The following ZNF888 variants were observed in gnomAD, a reference collection of about 807,000 sequenced individuals.
The protein encoded by ZNF888 is CTD-2331H12.6.
ZNF888 carries 5 observed loss-of-function variants against 7.2 expected under a neutral mutation model. That is an observed-to-expected ratio of 0.70 (90% CI 0.36 to 1.46). The LOEUF (loss-of-function observed/expected upper bound fraction) is 1.46, where lower values mean the gene tolerates loss of function less well. Among genes scored for constraint, ZNF888 ranks in the 40% most tolerant of loss-of-function variants. ZNF888 has a pLI of 0.03. For missense variants in ZNF888, 716 were observed against 858.0 expected (o/e 0.83, Z 2.07); for synonymous variants, 240 against 284.3 (o/e 0.84, Z 1.57).
At position 52,908,772 on chromosome 19, in the gene ZNF888, A is replaced by G. The variant is rs1245711456; in HGVS notation, c.143-593T>C. Among the ~76,000 whole-genome samples, 163 of 151,024 alleles carry G rather than the reference A, an allele frequency of 1.1e-3. 1 individual carries two copies. The highest frequency in any genetic ancestry group is 6.3e-4 in the South Asian group (3 of 4,764). ...GAGGCACAAGAATCACTTTAAGCCA[A>G]GAGGCAAAGGTTGCAGTGAGCCAAC... On this transcript the variant is annotated intron_variant, in intron 4 of 4. Coordinates refer to ENST00000638862, the MANE Select transcript of ZNF888 (RefSeq NM_001393938.1).
intron 1 of ZNF888, among the ~76,000 whole-genome samples, chr19:52,919,949 G>GCGT (rs2147939526): frequency 1.9e-5 from 1 of 53,288 alleles, no homozygotes; most frequent in Admixed American, 2.2e-4. Context: ...GAAGTGAGGA[G>GCGT]CCCCTCTGCC....
chr19:52,917,831 G>A, intron 3 of ZNF888, 28 bp downstream of exon 3: 1 of 1,613,492 alleles, frequency 6.2e-7, no homozygotes, highest in Non-Finnish European at 8.5e-7. Context: ...GAAGGAGACA[G>A]AACAATCCAC....
intron 4 of ZNF888, among the ~76,000 whole-genome samples, chr19:52,913,207 T>C (rs556707662): frequency 6.6e-6 from 1 of 151,690 alleles, no homozygotes; most frequent in Non-Finnish European, 1.5e-5. Flanking sequence ...TTAAAAGTCA[T>C]GAAAAAACAC....
chr19:52,914,735 C>T (rs1020614208), intron 4 of ZNF888, among the ~76,000 whole-genome samples: 6 of 152,224 alleles, frequency 3.9e-5, no homozygotes, highest in South Asian at 2.1e-4. Flanking sequence ...GGTGTGTTCT[C>T]GGCTCACTAG....
rs867475884 is a variant in ZNF888, at chr19:52,907,355, C to T, written c.967G>A (p.Glu323Lys). ...CATTCATTACACTTGTAAGGTTTCT[C>T]TCCAGTATGAATTGTCTTGTGAACT... ...LLVHKTIHTG[E>K]KPYKCNECGK... The change falls in exon 5 of 5, where the codon GAG becomes AAG. Residue 323 changes from glutamate (E) to lysine (K), a missense_variant. By Grantham distance (56) the Glu-to-Lys change is moderately conservative. Around this residue, in one of 2 missense-constraint regions of ZNF888, gnomAD observed 697 missense variants for 803.4 expected, o/e 0.87. Transcript: ENST00000638862. 58 of 1,613,556 alleles carry T rather than the reference C, an allele frequency of 3.6e-5. 1 individual carries two copies. In the Middle Eastern group the frequency reaches 2.3e-3, roughly 64 times the overall value.
chr19:52,913,715 G>A (rs8112177), intron 4 of ZNF888: 357,560 of 979,474 alleles, frequency 0.37, 67,172 homozygotes, highest in African/African-American at 0.54. Flanking sequence ...ATATCTATAC[G>A]ACACACTTCA....
At chr19:52,910,511 G>T (rs1337385041) in intron 4 of ZNF888, among the ~76,000 whole-genome samples, 2 of 152,124 alleles carry the variant, frequency 1.3e-5, no homozygotes, top group Non-Finnish European at 2.9e-5. Flanking sequence ...ATAAGCTTTG[G>T]TAGATGTGGT....
Position 52,921,696 on chromosome 19 carries a change from G to C in ZNF888, c.-178+1673C>G, listed in dbSNP as rs914591874. 49 of 978,186 alleles carry C rather than the reference G, an allele frequency of 5.0e-5. No homozygotes were observed. In the African/African-American group the frequency reaches 8.4e-4, roughly 17 times the overall value. 60.6% of individuals were successfully genotyped at this position (978,186 alleles called of 1,614,324 possible). A position where few individuals can be genotyped will look rare whatever the true frequency, so the allele number is the denominator to read the frequency against. On this transcript the variant is annotated intron_variant, in intron 1 of 4. Coordinates refer to ENST00000638862, the MANE Select transcript of ZNF888 (RefSeq NM_001393938.1). ...TTGACCTTGAAAATAGGGAGGCCGAGGTAGGTGGATCACCTGAGTTCAGCA... is the reference window on the plus strand; with the variant it reads ...TTGACCTTGAAAATAGGGAGGCCGACGTAGGTGGATCACCTGAGTTCAGCA...
rs1290953018 is a variant in ZNF888 at position 52,911,506 on chromosome 19, T to A, written c.143-3327A>T. Reference sequence around the variant, plus strand: ...GGCGCCCGCCACTATGCCCAGCTAATTTTTTGTATTTTTAGTAGAGACGGG... The same window carrying A: ...GGCGCCCGCCACTATGCCCAGCTAAATTTTTGTATTTTTAGTAGAGACGGG... On this transcript the variant is annotated intron_variant, in intron 4 of 4. Coordinates refer to ENST00000638862, the MANE Select transcript of ZNF888 (RefSeq NM_001393938.1). Among the ~76,000 whole-genome samples, 3 of 151,612 alleles carry A rather than the reference T, an allele frequency of 2.0e-5. No individual in the cohort carries two copies. The East Asian group carries it at 5.9e-4, about 30-fold the overall frequency.
intron 4 of ZNF888, among the ~76,000 whole-genome samples, chr19:52,911,711 C>A (rs957309577): frequency 6.6e-6 from 1 of 152,198 alleles, no homozygotes; most frequent in Non-Finnish European, 1.5e-5. Context: ...ATCAACATCA[C>A]CGAAGGCTGA....
chr19:52,911,799 C>T (rs1223752788), intron 4 of ZNF888, among the ~76,000 whole-genome samples: 2 of 123,804 alleles, frequency 1.6e-5, no homozygotes, highest in African/African-American at 5.4e-5. Context: ...ATAGCAGTAA[C>T]ATATTTTATT....
At chr19:52,913,320 CTTTTTTT>C (rs34481338) in intron 4 of ZNF888, among the ~76,000 whole-genome samples, 4 of 92,082 alleles carry the variant, frequency 4.3e-5, no homozygotes, top group Admixed American at 1.4e-4. Context: ...GTTATGGATT[CTTTTTTT>C]TTTTTTTTTT....
rs1229683851 is a variant in ZNF888, at chr19:52,919,933, G to T, written c.-177-996C>A. Among the ~76,000 whole-genome samples the T allele has an allele frequency of 8.1e-4, 41 of 50,472 alleles. 1 individual carries two copies. The highest frequency in any genetic ancestry group is 3.1e-3 in the South Asian group (5 of 1,626). The allele number at this position is 50,472 out of a possible 152,430, so 33.1% of individuals were successfully genotyped here. A position where few individuals can be genotyped will look rare whatever the true frequency, so the allele number is the denominator to read the frequency against. On this transcript the variant is annotated intron_variant, in intron 1 of 4. Coordinates refer to ENST00000638862, the MANE Select transcript of ZNF888 (RefSeq NM_001393938.1). ...AGCCCCTCCGTCCGGCAGCCACCCC[G>T]TCTGGGAAGTGAGGAGCCCCTCTGC...
chr19:52,907,822 A>G lies in ZNF888; in HGVS notation c.500T>C (p.Ile167Thr). The change falls in exon 5 of 5, where the codon ATC (isoleucine) becomes ACC (threonine). Residue 167 changes from isoleucine (I) to threonine (T), a missense_variant. This residue lies in a region of ZNF888 where 697 missense variants were observed against 803.4 expected (regional missense o/e 0.87). Coordinates refer to ENST00000638862, the MANE Select transcript of ZNF888 (RefSeq NM_001393938.1). The part of the protein sequence containing the change: ...GKIGNQLEKS[I>T]NNASSVSTSQ... ...TGTTGAAACTGAGGAAGCATTGTTGATAGACTTCTCAAGTTGATTACCAAT... is the reference window on the plus strand; with the variant it reads ...TGTTGAAACTGAGGAAGCATTGTTGGTAGACTTCTCAAGTTGATTACCAAT... 1.2e-6 allele frequency: 2 copies of G among 1,614,184 alleles called. No individual in the cohort carries two copies. The highest frequency in any genetic ancestry group is 4.5e-5 in the East Asian group (2 of 44,872).
At chr19:52,917,965 T>A in intron 2 of ZNF888, 34 bp from the exon 3 acceptor site, 1 of 1,600,634 alleles carries the variant, frequency 6.2e-7, no homozygotes, top group Non-Finnish European at 8.5e-7. Context: ...TAGAAATATG[T>A]TGTTTATTGC....
At chr19:52,914,239 C>T (rs2147931437) in intron 4 of ZNF888, 1 of 513,060 alleles carries the variant, frequency 1.9e-6, no homozygotes, top group South Asian at 8.8e-5. Context: ...AGAGTTTCCC[C>T]ACACACTATT....
chr19:52,919,562 G>C (rs1331429480), intron 1 of ZNF888, among the ~76,000 whole-genome samples: 1,098 of 69,672 alleles, frequency 0.016, 347 homozygotes, highest in African/African-American at 0.043. Context: ...GAGATTGCAG[G>C]CTCTGCCCAG....
intron 4 of ZNF888, among the ~76,000 whole-genome samples, chr19:52,912,973 G>A (rs527355126): frequency 3.3e-5 from 5 of 152,096 alleles, no homozygotes; most frequent in East Asian, 1.9e-4. Flanking sequence ...CGGGTGTGGC[G>A]ATGCATGCCT....
Position 52,906,294 on chromosome 19 carries a change from G to T in ZNF888, c.2028C>A (p.His676Gln). The change falls in exon 5 of 5, where the codon CAC becomes CAA. Residue 676 changes from histidine to glutamine, a missense_variant. By Grantham distance (24) the His-to-Gln change is conservative. Coordinates refer to ENST00000638862, the MANE Select transcript of ZNF888 (RefSeq NM_001393938.1). ...TATGAATTCTAGTATGTTGTGCCAG[G>T]TGTGAGTAACACTTGAAAGCCTTGT... is the stretch of plus-strand genomic sequence containing the variant. ...VCDKAFKCYS[H>Q]LAQHTRIHTG... The T allele has an allele frequency of 6.2e-7, 1 of 1,613,366 alleles. No individual in the cohort carries two copies. The highest frequency in any genetic ancestry group is 8.5e-7 in the Non-Finnish European group (1 of 1,179,644).
Sources: allele counts gnomAD v4.1 joint callset (sites outside exome capture counted in the v4.1 genomes callset), GRCh38; gene constraint gnomAD v4.1.1; regional missense constraint gnomAD v4.1.1; transcripts MANE v1.5; gene names NCBI Gene and HGNC (gene_info 2026-07-23, HGNC 2026-07-21).